Variants in MEGF10 observed in about 807,000 individuals in gnomAD.
MEGF10 encodes multiple epidermal growth factor-like domains protein 10.
A neutral mutation model predicts 147.5 loss-of-function variants in MEGF10; 86 were observed. The observed-to-expected ratio is 0.58, with a 90% CI of 0.49 to 0.70. The LOEUF (loss-of-function observed/expected upper bound fraction) is 0.70, where lower values mean the gene tolerates loss of function less well. Among genes scored for constraint, MEGF10 ranks in the 30% least tolerant of loss-of-function variants. The pLI is 0.00. For missense variants in MEGF10, 1,329 were observed against 1,487.3 expected, an observed-to-expected ratio of 0.89 and a Z score of 1.75; for synonymous variants, 478 against 525.5, an observed-to-expected ratio of 0.91 and a Z score of 1.24.
At chr5:127,435,336 T>C (rs1258436527) in intron 15 of MEGF10, 25 bp from the exon 16 acceptor site, 2 of 1,612,550 alleles carry the variant, frequency 1.2e-6, no homozygotes, top group Admixed American at 3.3e-5. Context: ...TGATTGTGAG[T>C]TACTGACCTA....
At chr5:127,408,210 A>G (rs186994686) in intron 8 of MEGF10, among the ~76,000 whole-genome samples, 1 of 152,356 alleles carries the variant, frequency 6.6e-6, no homozygotes, top group African/African-American at 2.4e-5. Flanking sequence ...GATCTATACT[A>G]CTTTCAACCA....
intron 5 of MEGF10, among the ~76,000 whole-genome samples, chr5:127,393,396 G>C (rs148386955): frequency 4.7e-4 from 72 of 152,352 alleles, no homozygotes; most frequent in African/African-American, 1.6e-3. Context: ...ATATGCTGTA[G>C]ACTGTGTAAC....
the MEGF10 span, among the ~76,000 whole-genome samples, chr5:127,237,023 A>C: frequency 6.6e-6 from 1 of 152,140 alleles, no homozygotes; most frequent in Admixed American, 6.6e-5. Context: ...CTTCCTATTT[A>C]CCCAAAGAAA....
chr5:127,257,563 A>C, the MEGF10 span, among the ~76,000 whole-genome samples: 2 of 152,212 alleles, frequency 1.3e-5, no homozygotes, highest in South Asian at 4.1e-4. Context: ...GTAAACCAAA[A>C]AGTATCTGAG....
At chr5:127,292,653 A>G (rs892833214) in intron 1 of MEGF10, among the ~76,000 whole-genome samples, 1 of 152,176 alleles carries the variant, frequency 6.6e-6, no homozygotes, top group Non-Finnish European at 1.5e-5. Context: ...GCTGGAATTT[A>G]TAGGGTGGTG....
intron 4 of MEGF10, among the ~76,000 whole-genome samples, chr5:127,344,134 A>G (rs1426357908): frequency 6.6e-6 from 1 of 152,228 alleles, no homozygotes; most frequent in East Asian, 1.9e-4. Flanking sequence ...TCAATTGAAT[A>G]AAACATGCAT....
intron 20 of MEGF10, 115 bp downstream of exon 20, chr5:127,445,808 G>C: frequency 1.3e-6 from 1 of 768,872 alleles, no homozygotes; most frequent in Non-Finnish European, 2.2e-6. Context: ...TTCTCATTGA[G>C]AGAATTCTAT....
chr5:127,343,960 A>G (rs1761778975), intron 4 of MEGF10, among the ~76,000 whole-genome samples: 1 of 152,176 alleles, frequency 6.6e-6, no homozygotes, highest in Non-Finnish European at 1.5e-5. Flanking sequence ...GACAGCTTGT[A>G]GATGTCACCA....
At chr5:127,289,240 G>A (rs535577605), upstream of MEGF10, among the ~76,000 whole-genome samples, 6 of 152,278 alleles carry the variant, frequency 3.9e-5, no homozygotes, top group South Asian at 1.2e-3. Flanking sequence ...CCCCAATAAA[G>A]TTGATTAAAA....
intron 1 of MEGF10, among the ~76,000 whole-genome samples, chr5:127,299,190 C>T (rs1759657029): frequency 6.6e-6 from 1 of 152,170 alleles, no homozygotes. Context: ...CCTGTGTCCC[C>T]AGGCTCATCA....
rs891083633 is a variant in MEGF10, at chr5:127,434,770, A to G, written c.1924A>G (p.Thr642Ala). The change falls in exon 15 of 25, where the codon ACC (threonine) becomes GCC (alanine). Residue 642 changes from threonine (T) to alanine (A), a missense_variant. Coordinates refer to ENST00000503335, the MANE Select transcript of MEGF10 (RefSeq NM_001256545.2). Reference protein sequence around the residue: ...VHSSGPCHHITGLCDCLPGFT... With the variant: ...VHSSGPCHHIAGLCDCLPGFT... ...CAGCAGCGGGCCCTGCCACCACATC[A>G]CCGGCCTGTGTGACTGCTTGCCTGG... The G allele has an allele frequency of 6.2e-7, 1 of 1,613,454 alleles. No individual in the cohort carries two copies. The highest frequency in any genetic ancestry group is 1.3e-5 in the African/African-American group (1 of 74,822).
chr5:127,358,131 G>T (rs1029944983), intron 4 of MEGF10, among the ~76,000 whole-genome samples: 1 of 152,132 alleles, frequency 6.6e-6, no homozygotes, highest in Non-Finnish European at 1.5e-5. Context: ...CTTTCATACC[G>T]AAATGCAAAG....
At chr5:127,324,053 T>C (rs980631442) in intron 1 of MEGF10, among the ~76,000 whole-genome samples, 1 of 152,208 alleles carries the variant, frequency 6.6e-6, no homozygotes, top group Non-Finnish European at 1.5e-5. Context: ...AGCCCACTTA[T>C]TCATTGTGAG....
Position 127,445,699 on chromosome 5 carries a change from AGCAGAGGCAGGAGAG to A in MEGF10, c.2728+10_2728+24del. 6.2e-7 allele frequency: 1 copy of A among 1,605,358 alleles called. No individual in the cohort carries two copies. Among genetic ancestry groups the A allele is most frequent in the South Asian group, 1.1e-5 (1 of 90,848 alleles). On this transcript the variant is annotated splice_region_variant and intron_variant, in intron 20 of 24. Coordinates refer to ENST00000503335, the MANE Select transcript of MEGF10 (RefSeq NM_001256545.2). ...TGCAGATTATACCATTTCAGGTAAG[AGCAGAGGCAGGAGAG>A]GCATTTTGCTTCTTGAAAAGTTAAA...
At chr5:127,394,309 T>G (rs545585645) in intron 5 of MEGF10, among the ~76,000 whole-genome samples, 1 of 152,112 alleles carries the variant, frequency 6.6e-6, no homozygotes, top group South Asian at 2.1e-4. Context: ...AGTATTGGAG[T>G]TGTAGTATCT....
At chr5:127,435,824 A>G (rs1470106218) in intron 16 of MEGF10, among the ~76,000 whole-genome samples, 3 of 152,128 alleles carry the variant, frequency 2.0e-5, no homozygotes, top group Non-Finnish European at 4.4e-5. Context: ...GTTTATCTGG[A>G]GAGTTAATTA....
intron 2 of MEGF10, among the ~76,000 whole-genome samples, chr5:127,334,454 A>G (rs560345121): frequency 2.6e-4 from 40 of 152,302 alleles, no homozygotes; most frequent in Non-Finnish European, 4.6e-4. Context: ...GAGAAGCACT[A>G]AACAAAAATA....
rs745938777 is a variant in MEGF10 at position 127,309,947 on chromosome 5, C to CTCTTTCTTTCTTTCTTTCTTTCTTTCTT, written c.-19+18914_-19+18941dup. On this transcript the variant is annotated intron_variant, in intron 1 of 24. Transcript: ENST00000503335. ...TCCAATTTTTCCACATCCTTGCCAA[C>CTCTTTCTTTCTTTCTTTCTTTCTTTCTT]TCTTTCTTTCTTTCTTTCTTTCTTT... Among the ~76,000 whole-genome samples, 158 of 90,446 alleles carry CTCTTTCTTTCTTTCTTTCTTTCTTTCTT rather than the reference C, an allele frequency of 1.7e-3. 3 individuals are homozygous for CTCTTTCTTTCTTTCTTTCTTTCTTTCTT. The highest frequency in any genetic ancestry group is 6.5e-3 in the Middle Eastern group (1 of 154). 59.3% of individuals were successfully genotyped at this position (90,446 alleles called of 152,430 possible). A position where few individuals can be genotyped will look rare whatever the true frequency, so the allele number is the denominator to read the frequency against.
At chr5:127,410,020 T>A in intron 8 of MEGF10, 1 of 183,360 alleles carries the variant, frequency 5.5e-6, no homozygotes. Context: ...AATTTCATAA[T>A]TATGGACTAA....
Sources: allele counts gnomAD v4.1 joint callset (sites outside exome capture counted in the v4.1 genomes callset), GRCh38; gene constraint gnomAD v4.1.1; transcripts MANE v1.5; gene names NCBI Gene and HGNC (gene_info 2026-07-23, HGNC 2026-07-21).